CLDN10: variants seen among roughly 807,000 people sequenced by gnomAD.
CLDN10 encodes the protein claudin-10.
In CLDN10, 15 loss-of-function variants were observed where a neutral mutation model predicts 22.9. The observed-to-expected ratio is 0.65, with a 90% CI of 0.44 to 1.01. The LOEUF (loss-of-function observed/expected upper bound fraction) is 1.01, where lower values mean the gene tolerates loss of function less well. Among genes scored for constraint, CLDN10 ranks in the 50% least tolerant of loss-of-function variants. The pLI is 0.00. For missense variants in CLDN10, 247 were observed against 287.8 expected (o/e 0.86, Z 1.03); for synonymous variants, 114 against 111.4 (o/e 1.02, Z -0.15).
chr13:95,479,478 A>C (rs1192289724), intron 1 of CLDN10: 1 of 152,210 alleles, frequency 6.6e-6, no homozygotes, highest in Non-Finnish European at 1.5e-5. Flanking sequence ...GCAAATATGC[A>C]TTACTAAGGC....
At chr13:95,515,402 G>A (rs2043153331) in intron 1 of CLDN10, among the ~76,000 whole-genome samples, 2 of 152,150 alleles carry the variant, frequency 1.3e-5, no homozygotes, top group South Asian at 4.1e-4. Flanking sequence ...GTTTTGCCAT[G>A]TTGGCCAGGC....
rs985250006 is a variant in CLDN10 at position 95,579,030 on chromosome 13, C to T, written c.*1016C>T. The T allele has an allele frequency of 4.6e-5, 7 of 152,154 alleles. No homozygotes were observed. Among genetic ancestry groups the T allele is most frequent in the Admixed American group, 4.6e-4 (7 of 15,282 alleles). 9.4% of individuals were successfully genotyped at this position (152,154 alleles called of 1,614,324 possible). On this transcript the variant is annotated 3_prime_UTR_variant, in exon 5 of 5. Coordinates refer to ENST00000299339, the MANE Select transcript of CLDN10 (RefSeq NM_006984.5). ...AGGAGCCAATTAAAACCTGTTTATG[C>T]CTAGTGTTCCATTATTGGAACACTA...
intron 1 of CLDN10, 46 bp from the exon 2 acceptor site, chr13:95,560,086 A>G: frequency 6.5e-7 from 1 of 1,529,880 alleles, no homozygotes. Context: ...TTCTCCCTGG[A>G]CAGCCACATG....
chr13:95,497,489 G>A (rs2042941341), intron 1 of CLDN10, among the ~76,000 whole-genome samples: 1 of 152,150 alleles, frequency 6.6e-6, no homozygotes, highest in South Asian at 2.1e-4. Context: ...CTGTTACTCT[G>A]CAAAGGACAG....
intron 1 of CLDN10, among the ~76,000 whole-genome samples, chr13:95,455,286 C>T (rs575751910): frequency 4.0e-5 from 6 of 151,886 alleles, no homozygotes; most frequent in African/African-American, 1.4e-4. Flanking sequence ...ATATACATAT[C>T]CTGTCCAGTG....
chr13:95,488,177 G>T (rs922903560), intron 1 of CLDN10, among the ~76,000 whole-genome samples: 2 of 147,640 alleles, frequency 1.4e-5, no homozygotes, highest in South Asian at 4.4e-4. Flanking sequence ...TAGAGACAGG[G>T]TTTTACCGTC....
At chr13:95,466,123 AAT>A (rs1171388212) in intron 1 of CLDN10, among the ~76,000 whole-genome samples, 1 of 151,894 alleles carries the variant, frequency 6.6e-6, no homozygotes, top group Non-Finnish European at 1.5e-5. Flanking sequence ...ATAGTGGTAA[AAT>A]ATATATAACA....
intron 1 of CLDN10, among the ~76,000 whole-genome samples, chr13:95,538,852 A>G (rs771426772): frequency 1.3e-4 from 19 of 151,976 alleles, no homozygotes; most frequent in Non-Finnish European, 2.4e-4. Flanking sequence ...TTAAGTACTC[A>G]AGTTGTTTGA....
chr13:95,470,110 T>C (rs1280027243), intron 1 of CLDN10, among the ~76,000 whole-genome samples: 4 of 152,160 alleles, frequency 2.6e-5, no homozygotes, highest in African/African-American at 9.7e-5. Context: ...CCTGCAAATA[T>C]GGAACTAGGC....
At chr13:95,570,812 A>T (rs1376828376) in intron 3 of CLDN10, among the ~76,000 whole-genome samples, 6 of 146,254 alleles carry the variant, frequency 4.1e-5, no homozygotes, top group South Asian at 2.2e-4. Flanking sequence ...TACATAATTT[A>T]AAAATGTATA....
At position 95,446,101 on chromosome 13, in the gene CLDN10, G is replaced by A. The variant is rs58618233; in HGVS notation, c.214+12054G>A. Among the ~76,000 whole-genome samples, 850 of 152,274 alleles carry A rather than the reference G, an allele frequency of 5.6e-3. 5 individuals are homozygous for A. The highest frequency in any genetic ancestry group is 0.019 in the African/African-American group (806 of 41,560). ...TTGGGTAGATGTTACTAGAGAGTCC[G>A]GTTTAGGATCACTTGGAAGAAGTCA... On this transcript the variant is annotated intron_variant, in intron 1 of 4. Coordinates refer to the CLDN10 transcript ENST00000376873.
chr13:95,518,720 C>A (rs2892733), intron 1 of CLDN10, among the ~76,000 whole-genome samples: 1 of 151,804 alleles, frequency 6.6e-6, no homozygotes, highest in Non-Finnish European at 1.5e-5. Flanking sequence ...GATTGCACCA[C>A]TGCACTCCAG....
chr13:95,548,394 T>A (rs866005730), upstream of CLDN10, among the ~76,000 whole-genome samples: 1 of 152,202 alleles, frequency 6.6e-6, no homozygotes, highest in African/African-American at 2.4e-5. Flanking sequence ...TGACTTGTAA[T>A]AGGCCCATAG....
intron 1 of CLDN10, among the ~76,000 whole-genome samples, chr13:95,504,738 A>G (rs1269405775): frequency 2.0e-5 from 3 of 152,186 alleles, no homozygotes; most frequent in Middle Eastern, 3.4e-3. Context: ...TGATCTCACT[A>G]TGTTGCCCGG....
chr13:95,498,781 A>G (rs976392402), intron 1 of CLDN10, among the ~76,000 whole-genome samples: 2 of 152,258 alleles, frequency 1.3e-5, no homozygotes, highest in Admixed American at 6.5e-5. Context: ...TTTTGAGTGT[A>G]TAGCTCAATA....
chr13:95,491,158 G>A (rs1175577434), intron 1 of CLDN10, among the ~76,000 whole-genome samples: 2 of 152,098 alleles, frequency 1.3e-5, no homozygotes, highest in African/African-American at 4.8e-5. Flanking sequence ...TATGTGTTAG[G>A]TGAGTCTTCT....
chr13:95,437,625 A>G (rs1410695908), intron 1 of CLDN10, among the ~76,000 whole-genome samples: 1 of 152,174 alleles, frequency 6.6e-6, no homozygotes, highest in African/African-American at 2.4e-5. Flanking sequence ...CCGGATATAT[A>G]GCTGCAAAAT....
At chr13:95,434,611 A>G (rs564725504) in intron 1 of CLDN10, among the ~76,000 whole-genome samples, 1 of 150,740 alleles carries the variant, frequency 6.6e-6, no homozygotes, top group South Asian at 2.1e-4. Context: ...TATCTATATG[A>G]ATATATATAC....
chr13:95,574,213 C>T (rs369383325), intron 3 of CLDN10, among the ~76,000 whole-genome samples: 4 of 151,934 alleles, frequency 2.6e-5, no homozygotes, highest in Admixed American at 1.3e-4. Context: ...CAGATACACA[C>T]GGAGAGGTGT....
Sources: allele counts gnomAD v4.1 joint callset (sites outside exome capture counted in the v4.1 genomes callset), GRCh38; gene constraint gnomAD v4.1.1; transcripts MANE v1.5; gene names NCBI Gene and HGNC (gene_info 2026-07-23, HGNC 2026-07-21).